The following CLEC16A variants were observed in gnomAD, a reference collection of about 807,000 sequenced individuals.
CLEC16A encodes protein CLEC16A.
A neutral mutation model predicts 109.5 loss-of-function variants in CLEC16A; 51 were observed. That is an observed-to-expected ratio of 0.47 (90% CI 0.37 to 0.59). The LOEUF (loss-of-function observed/expected upper bound fraction) is 0.59. CLEC16A is among the 20% of genes least tolerant of loss of function. The pLI is 0.00. For synonymous variants in CLEC16A, 673 were observed against 564.2 expected, an observed-to-expected ratio of 1.19 and a Z score of -2.73; for missense variants, 1,339 against 1,394.0, an observed-to-expected ratio of 0.96 and a Z score of 0.63.
chr16:11,065,656 C>T (rs1026149043), intron 19 of CLEC16A, among the ~76,000 whole-genome samples: 4 of 152,178 alleles, frequency 2.6e-5, no homozygotes, highest in African/African-American at 4.8e-5. Flanking sequence ...TGAGCAGGGT[C>T]CATGCTGGAG....
At chr16:10,971,834 G>A (rs80010166) in intron 5 of CLEC16A, among the ~76,000 whole-genome samples, 1 of 152,226 alleles carries the variant, frequency 6.6e-6, no homozygotes. Context: ...CTTCCAAGGC[G>A]ATGCTTGGAA....
chr16:11,104,134 G>C (rs114504382), intron 19 of CLEC16A, among the ~76,000 whole-genome samples: 5,593 of 152,098 alleles, frequency 0.037, 389 homozygotes, highest in African/African-American at 0.13. Context: ...TTTGAGACAA[G>C]GTCTCACTCT....
chr16:11,120,749 T>A lies in CLEC16A; in HGVS notation c.2251T>A (p.Phe751Ile). 2 of 1,561,630 alleles carry A rather than the reference T, an allele frequency of 1.3e-6. No homozygotes were observed. Among genetic ancestry groups the A allele is most frequent in the Non-Finnish European group, 1.7e-6 (2 of 1,151,620 alleles). The part of the protein sequence containing the change: ...VSRLGWGVVK[F>I]AGLLQDMQVT... ...CAGGCTTGGCTGGGGAGTGGTCAAG[T>A]TTGCAGGCCTATTGCAGGTAAGATG... is the stretch of plus-strand genomic sequence containing the variant. Residue 751 changes from phenylalanine (F) to isoleucine (I), a missense_variant, in exon 20 of 24, where the codon TTT (phenylalanine) becomes ATT (isoleucine). By Grantham distance (21) the Phe-to-Ile change is conservative. Coordinates refer to ENST00000409790, the MANE Select transcript of CLEC16A (RefSeq NM_015226.3).
chr16:11,102,389 A>G (rs969124545), intron 19 of CLEC16A, among the ~76,000 whole-genome samples: 1 of 152,208 alleles, frequency 6.6e-6, no homozygotes, highest in Non-Finnish European at 1.5e-5. Flanking sequence ...TTTAAGTCCA[A>G]AGGTACAGCT....
intron 19 of CLEC16A, among the ~76,000 whole-genome samples, chr16:11,110,345 T>C (rs1052867909): frequency 2.6e-5 from 4 of 151,736 alleles, no homozygotes; most frequent in African/African-American, 9.7e-5. Context: ...TGACAGGCAC[T>C]GGGATGGGGC....
intron 11 of CLEC16A, among the ~76,000 whole-genome samples, chr16:11,007,732 C>G (rs1415648967): frequency 1.3e-5 from 2 of 152,130 alleles, no homozygotes; most frequent in Non-Finnish European, 2.9e-5. Flanking sequence ...GGACCCGTTT[C>G]TCTGTTAATT....
Position 11,114,128 on chromosome 16 carries a change from C to CGTGTGTGTGTGTGTGTGTGT in CLEC16A, c.2117-6456_2117-6437dup, listed in dbSNP as rs3030600. ...TTTCCTGATTTCCCATGAGGATGGC[C>CGTGTGTGTGTGTGTGTGTGT]GTGTGTGTGTGTGTGTGTGTGTGTG... On this transcript the variant is annotated intron_variant, in intron 19 of 23. Transcript: ENST00000409790. 3.4e-4 allele frequency among the ~76,000 whole-genome samples: 43 copies of CGTGTGTGTGTGTGTGTGTGT among 127,322 alleles called. 1 individual carries two copies. Among genetic ancestry groups the CGTGTGTGTGTGTGTGTGTGT allele is most frequent in the East Asian group, 4.9e-4 (2 of 4,100 alleles). The allele number at this position is 127,322 out of a possible 152,430, so 83.5% of individuals were successfully genotyped here.
intron 11 of CLEC16A, among the ~76,000 whole-genome samples, chr16:11,007,339 A>G (rs2045089701): frequency 6.6e-6 from 1 of 152,128 alleles, no homozygotes; most frequent in Admixed American, 6.5e-5. Context: ...GGAAGTCTCT[A>G]CTGAAATGGG....
At chr16:11,092,122 G>C (rs1397807460) in intron 19 of CLEC16A, among the ~76,000 whole-genome samples, 2 of 152,126 alleles carry the variant, frequency 1.3e-5, no homozygotes. Context: ...CAGGTGGACA[G>C]ATCACTTGAG....
chr16:10,974,677 G>T (rs1477719205), intron 7 of CLEC16A, among the ~76,000 whole-genome samples: 2 of 152,236 alleles, frequency 1.3e-5, no homozygotes, highest in Non-Finnish European at 2.9e-5. Context: ...CCTAGATGGG[G>T]TCAGGATGCT....
rs1450791512 is a variant in CLEC16A, at chr16:11,178,214, G to A, written c.2807-121G>A. 9.6e-6 allele frequency: 8 copies of A among 835,228 alleles called. No homozygotes were observed. In the African/African-American group the frequency reaches 1.0e-4, roughly 11 times the overall value. 51.7% of individuals were successfully genotyped at this position (835,228 alleles called of 1,614,324 possible). A position where few individuals can be genotyped will look rare whatever the true frequency, so the allele number is the denominator to read the frequency against. The stretch of plus-strand genomic sequence containing the variant: ...GAGTGGAGCCACGCTGAGCCCTCAC[G>A]CCAGCCAGCCACCTCCCACCTAGCT... On this transcript the variant is annotated intron_variant, in intron 23 of 23. Coordinates refer to ENST00000409790, the MANE Select transcript of CLEC16A (RefSeq NM_015226.3). This position sits in a 1 kb window ranked among gnomAD's most constrained non-coding sequence, Gnocchi z 6.5.
At chr16:10,949,615 G>A (rs577116694) in intron 1 of CLEC16A, among the ~76,000 whole-genome samples, 2 of 152,036 alleles carry the variant, frequency 1.3e-5, no homozygotes, top group African/African-American at 4.8e-5. Context: ...GTCTCCAGAG[G>A]CCAGGTCCCC....
intron 19 of CLEC16A, among the ~76,000 whole-genome samples, chr16:11,100,506 G>T (rs58257271): frequency 1.3e-3 from 202 of 152,326 alleles, no homozygotes; most frequent in African/African-American, 4.6e-3. Context: ...GTGGCCCAGA[G>T]AATCTTTTTA....
chr16:11,064,371 G>T (rs531904681), intron 19 of CLEC16A, among the ~76,000 whole-genome samples: 1 of 152,214 alleles, frequency 6.6e-6, no homozygotes, highest in East Asian at 1.9e-4. Context: ...ATGTGCTGCC[G>T]CCCGGGTCTT....
At position 11,126,143 on chromosome 16, in the gene CLEC16A, C is replaced by T; in HGVS notation, c.2638C>T (p.Pro880Ser). The change falls in exon 22 of 24, where the codon CCA (proline) becomes TCA (serine). Residue 880 changes from proline to serine, a missense_variant. Pro to Ser is a moderately conservative substitution (Grantham distance 74). This residue lies in a region of CLEC16A where 1,061 missense variants were observed against 1,006.8 expected (regional missense o/e 1.05). Coordinates refer to ENST00000409790, the MANE Select transcript of CLEC16A (RefSeq NM_015226.3). ...CGTGTTTGCATCGGTGGACAAGGTG[C>T]CAGGTGAGCCAGCCCCCCGCCCTGC... is the stretch of plus-strand genomic sequence containing the variant. ...RSVFASVDKV[P>S]GFAVAQCINQ... 4 of 1,613,688 alleles carry T rather than the reference C, an allele frequency of 2.5e-6. No individual in the cohort carries two copies. Among genetic ancestry groups the T allele is most frequent in the East Asian group, 2.2e-5 (1 of 44,850 alleles).
At chr16:11,077,244 C>T (rs924078333) in intron 19 of CLEC16A, among the ~76,000 whole-genome samples, 17 of 151,784 alleles carry the variant, frequency 1.1e-4, no homozygotes, top group South Asian at 2.1e-4. Context: ...CTGAGGCGAG[C>T]GGATTGCCTG....
chr16:11,074,573 G>A (rs549313321), intron 19 of CLEC16A, among the ~76,000 whole-genome samples: 9 of 151,880 alleles, frequency 5.9e-5, no homozygotes, highest in Non-Finnish European at 1.0e-4. Context: ...TTTTTCCTCA[G>A]TGGCATTCAT....
At chr16:11,037,594 C>T (rs2047093207) in intron 13 of CLEC16A, among the ~76,000 whole-genome samples, 1 of 152,164 alleles carries the variant, frequency 6.6e-6, no homozygotes, top group African/African-American at 2.4e-5. Context: ...ACAAAATGGA[C>T]CTCTCTCTGG....
rs117106080 is a variant in CLEC16A, at chr16:10,945,392, C to T, written c.80+595C>T. Reference sequence around the variant, plus strand: ...GAGGGGAGTCTAAGCTGGGGGCATGCACGCTGAGACCCAGGATTTTGGGGC... The same window carrying T: ...GAGGGGAGTCTAAGCTGGGGGCATGTACGCTGAGACCCAGGATTTTGGGGC... On this transcript the variant is annotated intron_variant, in intron 1 of 23. Transcript: ENST00000409790. Among the ~76,000 whole-genome samples the T allele has an allele frequency of 2.0e-5, 3 of 152,300 alleles. No individual in the cohort carries two copies. The East Asian group carries it at 5.8e-4, about 29-fold the overall frequency.
Sources: gnomAD v4.1 joint callset for allele counts (sites outside exome capture counted in the v4.1 genomes callset) on GRCh38, gnomAD v4.1.1 for gene constraint, gnomAD v4.1.1 regional missense constraint, Gnocchi (gnomAD v3.1) non-coding constraint, MANE v1.5 for transcripts, NCBI Gene and HGNC (gene_info 2026-07-23, HGNC 2026-07-21) for gene names.